OPCML: variants seen among roughly 807,000 people sequenced by gnomAD.
The protein encoded by OPCML is opioid-binding protein/cell adhesion molecule.
In OPCML, 13 loss-of-function variants were observed where a neutral mutation model predicts 37.8. That is an observed-to-expected ratio of 0.34 (90% CI 0.22 to 0.55). The LOEUF (loss-of-function observed/expected upper bound fraction) is 0.55, where lower values mean the gene tolerates loss of function less well. OPCML is among the 20% of genes least tolerant of loss of function. The pLI is 0.91. For missense variants in OPCML, 341 were observed against 435.6 expected (o/e 0.78, Z 1.93); for synonymous variants, 176 against 168.8 (o/e 1.04, Z -0.33).
chr11:133,116,200 A>G (rs1188668370), intron 1 of OPCML, among the ~76,000 whole-genome samples: 1 of 152,144 alleles, frequency 6.6e-6, no homozygotes. Flanking sequence ...AACTCCTGAC[A>G]TTGTGATACA....
chr11:133,277,654 C>T lies in OPCML; in HGVS notation c.61+254610G>A, dbSNP rs1031453850. Reference sequence around the variant, plus strand: ...GAATGATTCCTTATCATATGTATTCCTTTCAGATCCAGTACATGTATCCAG... The same window carrying T: ...GAATGATTCCTTATCATATGTATTCTTTTCAGATCCAGTACATGTATCCAG... On this transcript the variant is annotated intron_variant, in intron 1 of 7. Transcript: ENST00000524381. Among the ~76,000 whole-genome samples the T allele has an allele frequency of 3.3e-5, 5 of 152,076 alleles. No homozygotes were observed. In the East Asian group the frequency reaches 9.7e-4, roughly 29 times the overall value.
At chr11:133,246,548 G>T (rs11223410) in intron 1 of OPCML, among the ~76,000 whole-genome samples, 24,408 of 152,116 alleles carry the variant, frequency 0.16, 2,044 homozygotes, top group East Asian at 0.27. Flanking sequence ...GAAGGGAAGG[G>T]TGAGAATGCA....
At chr11:133,491,230 A>C (rs777181014) in intron 1 of OPCML, among the ~76,000 whole-genome samples, 20 of 151,832 alleles carry the variant, frequency 1.3e-4, no homozygotes, top group Non-Finnish European at 2.6e-4. Context: ...CAGCCCAGAC[A>C]CTCCCTTGCT....
chr11:132,781,166 C>T (rs1029749960), intron 2 of OPCML, among the ~76,000 whole-genome samples: 4 of 152,068 alleles, frequency 2.6e-5, no homozygotes, highest in Admixed American at 2.6e-4. Context: ...CGTGCCCAGA[C>T]ATTTGGTCAA....
intron 4 of OPCML, among the ~76,000 whole-genome samples, chr11:132,452,359 C>T (rs2096070451): frequency 6.6e-6 from 1 of 152,106 alleles, no homozygotes; most frequent in Non-Finnish European, 1.5e-5. Flanking sequence ...GGAGTCCCCA[C>T]CAGTGGCAGA....
At chr11:132,489,660 C>A (rs543606789) in intron 4 of OPCML, among the ~76,000 whole-genome samples, 8 of 150,806 alleles carry the variant, frequency 5.3e-5, no homozygotes, top group Non-Finnish European at 8.8e-5. Context: ...CTGTCTGTGG[C>A]CCATTATTAT....
chr11:133,180,410 A>G (rs898265904), intron 1 of OPCML, among the ~76,000 whole-genome samples: 12 of 152,154 alleles, frequency 7.9e-5, no homozygotes, highest in African/African-American at 2.9e-4. Context: ...ACTTCCTCCC[A>G]GAACCTCCCT....
chr11:132,887,029 C>T (rs901469734), intron 2 of OPCML, among the ~76,000 whole-genome samples: 2 of 152,204 alleles, frequency 1.3e-5, no homozygotes, highest in African/African-American at 4.8e-5. Flanking sequence ...AAATTAGGTA[C>T]AAGCCTCTGC....
intron 2 of OPCML, among the ~76,000 whole-genome samples, chr11:132,899,189 G>T (rs374946826): frequency 1.3e-5 from 2 of 152,174 alleles, no homozygotes; most frequent in African/African-American, 4.8e-5. Flanking sequence ...GGTAGTGGAA[G>T]GCAGTTATAA....
intron 3 of OPCML, among the ~76,000 whole-genome samples, chr11:132,558,343 C>CTT (rs2096401645): frequency 4.7e-5 from 1 of 21,162 alleles, no homozygotes; most frequent in African/African-American, 2.2e-4. Context: ...CTCCTCCTCT[C>CTT]CCCCTCCTCC....
chr11:132,620,768 G>A (rs1247831057), intron 3 of OPCML, among the ~76,000 whole-genome samples: 1 of 152,210 alleles, frequency 6.6e-6, no homozygotes, highest in Non-Finnish European at 1.5e-5. Context: ...TTCCTTTGGT[G>A]TAAGTTTGCT....
At chr11:133,122,098 G>C (rs1437304176) in intron 1 of OPCML, among the ~76,000 whole-genome samples, 10 of 152,124 alleles carry the variant, frequency 6.6e-5, no homozygotes, top group Non-Finnish European at 1.0e-4. Flanking sequence ...AGCAACTTAG[G>C]AATAGTGTAA....
intron 1 of OPCML, among the ~76,000 whole-genome samples, chr11:133,378,649 ATTTC>A (rs894710284): frequency 4.6e-5 from 7 of 151,556 alleles, no homozygotes; most frequent in African/African-American, 1.5e-4. Flanking sequence ...CTGCATGCGA[ATTTC>A]TTTCTTTTCT....
At chr11:132,696,431 A>G (rs1186711537) in intron 2 of OPCML, among the ~76,000 whole-genome samples, 2 of 152,186 alleles carry the variant, frequency 1.3e-5, no homozygotes, top group African/African-American at 4.8e-5. Flanking sequence ...TCTCAGAAGA[A>G]ACAGGGAACA....
intron 2 of OPCML, among the ~76,000 whole-genome samples, chr11:132,905,091 T>A (rs564679334): frequency 2.0e-5 from 3 of 152,126 alleles, no homozygotes; most frequent in Non-Finnish European, 4.4e-5. Context: ...TCTCCTTCAG[T>A]TTACACAACA....
intron 3 of OPCML, 41 bp from the exon 4 acceptor site, chr11:132,529,227 C>A (rs773524804): frequency 9.0e-6 from 14 of 1,558,178 alleles, no homozygotes; most frequent in East Asian, 4.6e-5. Flanking sequence ...GAGAATAATT[C>A]TTTGCACTTA....
At chr11:132,436,065 A>C in intron 7 of OPCML, 21 bp downstream of exon 7, 2 of 1,606,426 alleles carry the variant, frequency 1.2e-6, no homozygotes, top group Middle Eastern at 1.7e-4. Context: ...AGCCCACTGC[A>C]TCCAGGCTTC....
chr11:132,491,601 T>C (rs552126969), intron 4 of OPCML, among the ~76,000 whole-genome samples: 1 of 152,254 alleles, frequency 6.6e-6, no homozygotes, highest in African/African-American at 2.4e-5. Context: ...TTGTTTTATT[T>C]TTATTCATAG....
intron 1 of OPCML, among the ~76,000 whole-genome samples, chr11:133,094,699 G>A (rs1565444314): frequency 6.6e-6 from 1 of 152,148 alleles, no homozygotes. Flanking sequence ...GAGAAAAGCA[G>A]TCACAACTTA....
Sources: gnomAD v4.1 joint callset for allele counts (sites outside exome capture counted in the v4.1 genomes callset) on GRCh38, gnomAD v4.1.1 for gene constraint, MANE v1.5 for transcripts, NCBI Gene and HGNC (gene_info 2026-07-23, HGNC 2026-07-21) for gene names.